Variants in TESC observed in about 807,000 individuals in gnomAD.
The protein encoded by TESC is calcineurin B homologous protein 3.
TESC carries 19 observed loss-of-function variants against 31.0 expected under a neutral mutation model. The ratio of observed to expected loss-of-function variants is 0.61; its 90% CI spans 0.43 to 0.90. TESC has a LOEUF of 0.90. Ranked by LOEUF, TESC falls within the 40% of genes least tolerant of loss-of-function variation. The pLI is 0.00. For missense variants in TESC, 248 were observed against 303.8 expected (o/e 0.82, Z 1.36); for synonymous variants, 109 against 114.8 (o/e 0.95, Z 0.32).
intron 1 of TESC, among the ~76,000 whole-genome samples, chr12:117,080,654 G>A (rs946233606): frequency 6.6e-6 from 1 of 152,128 alleles, no homozygotes; most frequent in Non-Finnish European, 1.5e-5. Flanking sequence ...GATGATTTCC[G>A]AAGCCTCAGG....
At chr12:117,057,836 G>A (rs762377512) in intron 2 of TESC, among the ~76,000 whole-genome samples, 4 of 152,136 alleles carry the variant, frequency 2.6e-5, no homozygotes, top group Non-Finnish European at 4.4e-5. Context: ...TGCAATCCTG[G>A]CTCACTGCAA....
chr12:117,045,620 C>T (rs11068302), intron 6 of TESC, among the ~76,000 whole-genome samples: 4,579 of 152,300 alleles, frequency 0.03, 195 homozygotes, highest in East Asian at 0.19. Context: ...ACAGCCCCTG[C>T]CCCTGGGGGC....
At chr12:117,096,097 G>T (rs1955391482) in intron 1 of TESC, among the ~76,000 whole-genome samples, 1 of 152,146 alleles carries the variant, frequency 6.6e-6, no homozygotes, top group Non-Finnish European at 1.5e-5. Flanking sequence ...GGAGCCTGAT[G>T]CTCAGCAGGT....
chr12:117,095,594 G>A (rs1955382376), intron 1 of TESC, among the ~76,000 whole-genome samples: 1 of 152,156 alleles, frequency 6.6e-6, no homozygotes, highest in Non-Finnish European at 1.5e-5. Flanking sequence ...AAGCAGTCTT[G>A]GGGCCAGGCA....
In TESC at chr12:117,038,936, CT is replaced by C. The variant is rs543223333; in HGVS notation, c.*196del. On this transcript the variant is annotated 3_prime_UTR_variant, in exon 8 of 8. Coordinates refer to ENST00000335209, the MANE Select transcript of TESC (RefSeq NM_017899.4). ...ACAGAGGCCACATTAATTAACAAAC[CT>C]TTTTTTTTTTTTTATTGGAGATAAA... The C allele has an allele frequency of 0.21, 97,882 of 455,460 alleles. 547 individuals are homozygous for C. Among genetic ancestry groups the C allele is most frequent in the East Asian group, 0.25 (7,330 of 28,888 alleles). The allele number at this position is 455,460 out of a possible 1,614,324, so 28.2% of individuals were successfully genotyped here.
chr12:117,070,044 A>T (rs1277366949), intron 2 of TESC, among the ~76,000 whole-genome samples: 1 of 152,176 alleles, frequency 6.6e-6, no homozygotes, highest in East Asian at 1.9e-4. Context: ...ACCCCAATCA[A>T]CGCCATTTTC....
At chr12:117,097,840 T>G (rs895250099) in intron 1 of TESC, among the ~76,000 whole-genome samples, 2 of 152,116 alleles carry the variant, frequency 1.3e-5, no homozygotes, top group Non-Finnish European at 2.9e-5. Context: ...TATTTTCCCC[T>G]CTTTTTACAT....
intron 6 of TESC, among the ~76,000 whole-genome samples, chr12:117,045,971 A>G (rs1954551621): frequency 6.6e-6 from 1 of 152,172 alleles, no homozygotes; most frequent in African/African-American, 2.4e-5. Context: ...AGGATTCTCT[A>G]TGCTCTCTGA....
chr12:117,082,859 A>G, intron 1 of TESC, among the ~76,000 whole-genome samples: 1 of 152,224 alleles, frequency 6.6e-6, no homozygotes, highest in East Asian at 1.9e-4. Context: ...TCTGCAATTT[A>G]CGGAGATTAC....
chr12:117,043,086 T>C (rs1954508112), intron 6 of TESC, among the ~76,000 whole-genome samples: 1 of 152,010 alleles, frequency 6.6e-6, no homozygotes, highest in Admixed American at 6.6e-5. Context: ...CAGAAAGATG[T>C]CTGCAGGTCT....
intron 2 of TESC, among the ~76,000 whole-genome samples, chr12:117,069,742 C>T (rs1158207298): frequency 6.6e-6 from 1 of 152,180 alleles, no homozygotes; most frequent in Non-Finnish European, 1.5e-5. Flanking sequence ...CATCAATTGC[C>T]TCATGAGAGT....
intron 6 of TESC, among the ~76,000 whole-genome samples, chr12:117,042,572 G>A (rs577251900): frequency 0.016 from 2,097 of 129,380 alleles, 28 homozygotes; most frequent in South Asian, 0.049. Flanking sequence ...GGGCCACTGG[G>A]GAGGGCAGGG....
intron 2 of TESC, among the ~76,000 whole-genome samples, chr12:117,063,216 G>T (rs1954822554): frequency 6.6e-6 from 1 of 152,174 alleles, no homozygotes; most frequent in Non-Finnish European, 1.5e-5. Flanking sequence ...GTTGGCGCGG[G>T]ACTCCAGCTC....
At chr12:117,052,201 T>C (rs1954657365) in intron 3 of TESC, among the ~76,000 whole-genome samples, 1 of 152,162 alleles carries the variant, frequency 6.6e-6, no homozygotes. Flanking sequence ...AGATGCCCCC[T>C]TAACTTTCCA....
At chr12:117,091,023 A>G (rs1955299255) in intron 1 of TESC, among the ~76,000 whole-genome samples, 1 of 152,220 alleles carries the variant, frequency 6.6e-6, no homozygotes, top group South Asian at 2.1e-4. Context: ...AGCAGTGCCA[A>G]GAACGGAAGG....
chr12:117,092,791 C>A (rs1269225721), intron 1 of TESC, among the ~76,000 whole-genome samples: 1 of 152,212 alleles, frequency 6.6e-6, no homozygotes, highest in Non-Finnish European at 1.5e-5. Context: ...GCAGGGCCAT[C>A]TCAAAAACAA....
chr12:117,088,526 CA>C (rs1182440482), intron 1 of TESC, among the ~76,000 whole-genome samples: 1 of 151,978 alleles, frequency 6.6e-6, no homozygotes, highest in Non-Finnish European at 1.5e-5. Flanking sequence ...ACTAAAAATA[CA>C]AAAATTAGCT....
chr12:117,070,107 C>A (rs1954945534), intron 2 of TESC, among the ~76,000 whole-genome samples: 1 of 152,200 alleles, frequency 6.6e-6, no homozygotes, highest in South Asian at 2.1e-4. Context: ...GCTCTGAAAA[C>A]CCAGCACAGC....
At chr12:117,046,398 T>TG in intron 6 of TESC, 161 bp downstream of exon 6, 2 of 681,308 alleles carry the variant, frequency 2.9e-6, no homozygotes, top group Non-Finnish European at 4.9e-6. Context: ...TTCAGTCTCC[T>TG]GGGGGACAGG....
Sources: allele counts gnomAD v4.1 joint callset (sites outside exome capture counted in the v4.1 genomes callset), GRCh38; gene constraint gnomAD v4.1.1; transcripts MANE v1.5; gene names NCBI Gene and HGNC (gene_info 2026-07-23, HGNC 2026-07-21).